The following CNTN4 variants were observed in gnomAD, a reference collection of about 807,000 sequenced individuals.
The protein encoded by CNTN4 is contactin-4.
Under a neutral mutation model 122.5 loss-of-function variants are expected in CNTN4, and 77 were observed. That is an observed-to-expected ratio of 0.63 (90% confidence interval 0.52 to 0.76). CNTN4 has a LOEUF of 0.76. Ranked by LOEUF, CNTN4 falls within the 30% of genes least tolerant of loss-of-function variation. CNTN4 has a pLI of 0.00. For missense variants in CNTN4, 1,256 were observed against 1,259.1 expected, an observed-to-expected ratio of 1.00 and a Z score of 0.04; for synonymous variants, 512 against 447.0, an observed-to-expected ratio of 1.15 and a Z score of -1.83.
chr3:2,398,328 T>G (rs1250881226), intron 3 of CNTN4, among the ~76,000 whole-genome samples: 2 of 152,134 alleles, frequency 1.3e-5, no homozygotes, highest in African/African-American at 4.8e-5. Flanking sequence ...AATAACTCAT[T>G]TTCTATTTTA....
intron 4 of CNTN4, among the ~76,000 whole-genome samples, chr3:2,618,742 T>C (rs900489475): frequency 5.3e-5 from 8 of 152,198 alleles, no homozygotes; most frequent in Non-Finnish European, 1.2e-4. Flanking sequence ...ATGGCTTCAA[T>C]TGTTTATCAT....
intron 3 of CNTN4, among the ~76,000 whole-genome samples, chr3:2,425,538 T>G (rs1354296103): frequency 6.6e-6 from 1 of 152,336 alleles, no homozygotes; most frequent in East Asian, 1.9e-4. Flanking sequence ...GGTTTAGGAT[T>G]GTCTTGGCAA....
intron 12 of CNTN4, among the ~76,000 whole-genome samples, chr3:2,923,765 A>T (rs1051221391): frequency 6.6e-6 from 1 of 152,186 alleles, no homozygotes; most frequent in Non-Finnish European, 1.5e-5. Flanking sequence ...AATTTAACTT[A>T]TCTTTTTAAT....
chr3:2,377,146 T>C (rs1256983513), intron 3 of CNTN4, among the ~76,000 whole-genome samples: 2 of 123,836 alleles, frequency 1.6e-5, no homozygotes, highest in Non-Finnish European at 3.3e-5. Context: ...TAGAGCGAGA[T>C]TCCATCTCAA....
chr3:3,042,833 G>C (rs887323320), intron 21 of CNTN4, 144 bp from the exon 22 acceptor site: 4 of 710,706 alleles, frequency 5.6e-6, no homozygotes, highest in Non-Finnish European at 9.9e-6. Context: ...AGGATATACA[G>C]AGTCCTTTGT....
intron 6 of CNTN4, among the ~76,000 whole-genome samples, chr3:2,785,936 G>C (rs2091804108): frequency 1.0e-5 from 1 of 99,226 alleles, no homozygotes; most frequent in Admixed American, 1.6e-4. Context: ...AAAAACCGCA[G>C]ACCCCACTGG....
intron 2 of CNTN4, among the ~76,000 whole-genome samples, chr3:2,158,834 T>G (rs2149163475): frequency 6.6e-6 from 1 of 152,336 alleles, no homozygotes; most frequent in Admixed American, 6.5e-5. Context: ...CTTCATTTTT[T>G]TGTTTTGTTT....
chr3:2,282,825 TGAA>T (rs200457458), intron 2 of CNTN4, among the ~76,000 whole-genome samples: 3,284 of 152,278 alleles, frequency 0.022, 69 homozygotes, highest in Non-Finnish European at 0.032. Context: ...TAAAAAGGAA[TGAA>T]GTTCTAATAC....
At chr3:2,304,949 A>G (rs1232277858) in intron 2 of CNTN4, among the ~76,000 whole-genome samples, 1 of 151,874 alleles carries the variant, frequency 6.6e-6, no homozygotes, top group Non-Finnish European at 1.5e-5. Flanking sequence ...ATTTATTCAT[A>G]AGCCACTAAT....
At chr3:2,602,728 G>A (rs1400554519) in intron 4 of CNTN4, among the ~76,000 whole-genome samples, 10 of 152,170 alleles carry the variant, frequency 6.6e-5, no homozygotes, top group Admixed American at 5.2e-4. Flanking sequence ...GAATTCTTAT[G>A]TATAGATAGC....
At chr3:2,149,937 C>T (rs1165666773) in intron 2 of CNTN4, among the ~76,000 whole-genome samples, 1 of 147,816 alleles carries the variant, frequency 6.8e-6, no homozygotes, top group Non-Finnish European at 1.5e-5. Context: ...CGTTTTAATG[C>T]AAATTCAACA....
At position 2,184,571 on chromosome 3, in the gene CNTN4, C is replaced by G. The variant is rs370519618; in HGVS notation, c.-145+83932C>G. Reference sequence around the variant, plus strand: ...GCTGTGGTTTGAATGTTTGTGTCCCCTCCAAAACTCATGTTGACATTTATT... The same window carrying G: ...GCTGTGGTTTGAATGTTTGTGTCCCGTCCAAAACTCATGTTGACATTTATT... On this transcript the variant is annotated intron_variant, in intron 2 of 24. Coordinates refer to ENST00000418658, the MANE Select transcript of CNTN4 (RefSeq NM_175607.3). 7.9e-4 allele frequency among the ~76,000 whole-genome samples: 120 copies of G among 152,248 alleles called. 2 individuals carry two copies. Among genetic ancestry groups the G allele is most frequent in the African/African-American group, 2.7e-3 (112 of 41,564 alleles).
At chr3:2,671,106 G>T (rs371584207) in intron 4 of CNTN4, among the ~76,000 whole-genome samples, 27 of 152,182 alleles carry the variant, frequency 1.8e-4, no homozygotes, top group South Asian at 1.5e-3. Flanking sequence ...TCTTTGTGGC[G>T]TTCTCTGTAT....
At chr3:2,101,243 A>C (rs2031927059) in intron 2 of CNTN4, among the ~76,000 whole-genome samples, 1 of 152,270 alleles carries the variant, frequency 6.6e-6, no homozygotes, top group Non-Finnish European at 1.5e-5. Context: ...TCTAAGCACT[A>C]AATCTTTTGG....
intron 3 of CNTN4, among the ~76,000 whole-genome samples, chr3:2,401,449 A>T (rs961817006): frequency 6.6e-6 from 1 of 152,152 alleles, no homozygotes. Flanking sequence ...ATTTTGGAGC[A>T]TCAGTCTAGA....
At chr3:2,824,954 C>T (rs1169063846) in intron 7 of CNTN4, among the ~76,000 whole-genome samples, 1 of 152,164 alleles carries the variant, frequency 6.6e-6, no homozygotes, top group Non-Finnish European at 1.5e-5. Context: ...TGAGCCACTG[C>T]ACTGGCCAAT....
chr3:2,931,077 A>C lies in CNTN4; in HGVS notation c.1358+5298A>C, dbSNP rs1449733078. Among the ~76,000 whole-genome samples the C allele has an allele frequency of 2.0e-5, 3 of 152,168 alleles. No individual in the cohort carries two copies. In the South Asian group the frequency reaches 6.2e-4, roughly 31 times the overall value. ...GGGAGTGTGCAGTCATATGCATGCT[A>C]CAGAAAAATTACTGTGCCTGCAACA... On this transcript the variant is annotated intron_variant, in intron 13 of 24. Transcript: ENST00000418658.
At chr3:2,589,571 T>C (rs893826519) in intron 4 of CNTN4, among the ~76,000 whole-genome samples, 12 of 152,206 alleles carry the variant, frequency 7.9e-5, no homozygotes, top group Non-Finnish European at 1.8e-4. Context: ...TCAACTTTTT[T>C]TTCACCTCCA....
At chr3:2,160,126 A>G (rs573924738) in intron 2 of CNTN4, among the ~76,000 whole-genome samples, 1 of 152,294 alleles carries the variant, frequency 6.6e-6, no homozygotes, top group East Asian at 1.9e-4. Flanking sequence ...TGGAAAGAAC[A>G]TGTTACTAAA....
Sources: gnomAD v4.1 joint callset for allele counts (sites outside exome capture counted in the v4.1 genomes callset) on GRCh38, gnomAD v4.1.1 for gene constraint, MANE v1.5 for transcripts, NCBI Gene and HGNC (gene_info 2026-07-23, HGNC 2026-07-21) for gene names.